Variants in TCF3 observed in about 807,000 individuals in gnomAD.
The protein encoded by TCF3 is transcription factor E2-alpha.
In TCF3, 54 loss-of-function variants were observed where a neutral mutation model predicts 72.3. The observed-to-expected ratio is 0.75, with a 90% confidence interval of 0.60 to 0.94. The LOEUF (loss-of-function observed/expected upper bound fraction) is 0.94, where lower values mean the gene tolerates loss of function less well. Ranked by LOEUF, TCF3 falls within the 40% of genes least tolerant of loss-of-function variation. The pLI is 0.00. For missense variants in TCF3, 1,078 were observed against 934.4 expected (o/e 1.15, Z -2.00); for synonymous variants, 525 against 412.6 (o/e 1.27, Z -3.30).
At position 1,615,628 on chromosome 19, in the gene TCF3, G is replaced by A; in HGVS notation, c.1586+58C>T. 1 of 1,611,324 alleles carries A rather than the reference G, an allele frequency of 6.2e-7. No individual in the cohort carries two copies. Among genetic ancestry groups the A allele is most frequent in the South Asian group, 1.1e-5 (1 of 91,066 alleles). On this transcript the variant is annotated intron_variant, in intron 17 of 18. Transcript: ENST00000262965. This position sits in a 1 kb window ranked among gnomAD's most constrained non-coding sequence, Gnocchi z 7.3. ...TGTGGGTGCGGTGTGCGTGTGGCCT[G>A]TGCACATGTGCGTCCTGATGGGGTG...
Position 1,625,561 on chromosome 19 carries a change from C to T in TCF3, c.499+15G>A, listed in dbSNP as rs1485760961. On this transcript the variant is annotated intron_variant, in intron 7 of 18. Coordinates refer to ENST00000262965, the MANE Select transcript of TCF3 (RefSeq NM_003200.5). ...CTCCCAGAAGCCCCCGATGCCCCGG[C>T]CAGACCCCGCTCACCTAGGCTGCCG... 1.9e-6 allele frequency: 3 copies of T among 1,571,096 alleles called. No homozygotes were observed. The highest frequency in any genetic ancestry group is 2.5e-5 in the East Asian group (1 of 40,370).
chr19:1,651,607 T>C (rs374134412), intron 1 of TCF3, among the ~76,000 whole-genome samples: 36 of 152,196 alleles, frequency 2.4e-4, no homozygotes, highest in African/African-American at 7.0e-4. Context: ...TGGAGAATGT[T>C]TGAAGCCACT....
intron 5 of TCF3, among the ~76,000 whole-genome samples, chr19:1,630,617 C>T (rs367802434): frequency 1.3e-5 from 2 of 152,192 alleles, no homozygotes; most frequent in East Asian, 1.9e-4. Flanking sequence ...GCAGCGCACA[C>T]CCCCACTGCA....
intron 3 of TCF3, among the ~76,000 whole-genome samples, chr19:1,642,149 CACACACACACACACACGCACGCGT>C (rs1409917584): frequency 6.6e-6 from 1 of 150,596 alleles, no homozygotes; most frequent in Non-Finnish European, 1.5e-5. Context: ...CACACACACA[CACACACACACACACACGCACGCGT>C]ACACACACGC....
intron 2 of TCF3, among the ~76,000 whole-genome samples, chr19:1,648,198 G>C (rs1400410568): frequency 7.9e-5 from 12 of 152,158 alleles, no homozygotes; most frequent in Admixed American, 7.9e-4. Context: ...TACGCATCTG[G>C]TCCAGGGAAG....
At position 1,619,469 on chromosome 19, in the gene TCF3, A is replaced by G. The variant is rs1568356165; in HGVS notation, c.1173T>C (p.Ser391=). ...SYDGGLHGLQ[S]KIEDHLDEAI... is the part of the protein sequence containing the mutation. Reference sequence around the variant, plus strand: ...CCTCGTCCAGGTGGTCTTCTATCTTACTCTGCTGCAGGGTGGGGGGATGGG... The same window carrying G: ...CCTCGTCCAGGTGGTCTTCTATCTTGCTCTGCTGCAGGGTGGGGGGATGGG... The change falls in exon 15 of 19, where the codon AGT becomes AGC. Residue 391 remains serine (S), a synonymous_variant. Coordinates refer to ENST00000262965, the MANE Select transcript of TCF3 (RefSeq NM_003200.5). The G allele has an allele frequency of 6.4e-7, 1 of 1,565,970 alleles. No homozygotes were observed. Among genetic ancestry groups the G allele is most frequent in the Non-Finnish European group, 8.6e-7 (1 of 1,161,130 alleles).
At chr19:1,640,727 C>G (rs927228846) in intron 3 of TCF3, among the ~76,000 whole-genome samples, 3 of 151,904 alleles carry the variant, frequency 2.0e-5, no homozygotes, top group Non-Finnish European at 4.4e-5. Context: ...TGGCGTGAAC[C>G]TGGGAGGCGG....
chr19:1,611,709 A>C lies in TCF3; in HGVS notation c.1963T>G (p.Ter655GlyextTer94), dbSNP rs765776882. The change falls in exon 19 of 19, where the codon TGA (stop) becomes GGA (glycine). Residue 655 changes from the stop codon to glycine (G), a stop_lost. Coordinates refer to ENST00000262965, the MANE Select transcript of TCF3 (RefSeq NM_003200.5). Reference sequence around the variant, plus strand: ...CTCGTCCCACGGAGGCATACCTTTCACATGTGCCCGGCGGGGTTGTGGGCT... The same window carrying C: ...CTCGTCCCACGGAGGCATACCTTTCCCATGTGCCCGGCGGGGTTGTGGGCT... ...SEAHNPAGHM[*>G] 6.2e-7 allele frequency: 1 copy of C among 1,612,760 alleles called. No individual in the cohort carries two copies. The highest frequency in any genetic ancestry group is 2.2e-5 in the East Asian group (1 of 44,848).
intron 8 of TCF3, 97 bp downstream of exon 8, chr19:1,623,854 C>A (rs2062556423): frequency 2.3e-6 from 3 of 1,291,930 alleles, no homozygotes; most frequent in East Asian, 2.5e-5. Context: ...CCACTCAGGG[C>A]CCACCCCGCC....
chr19:1,627,474 C>T (rs1382606216), intron 5 of TCF3, 48 bp from the exon 6 acceptor site: 3 of 1,578,422 alleles, frequency 1.9e-6, no homozygotes, highest in African/African-American at 1.3e-5. Flanking sequence ...CAAGGAACAT[C>T]CTGAGGGCCC....
In TCF3 at chr19:1,622,216, G is replaced by A. The variant is rs1329613515; in HGVS notation, c.660C>T (p.Ser220=). 1.3e-6 allele frequency: 2 copies of A among 1,549,364 alleles called. No individual in the cohort carries two copies. The highest frequency in any genetic ancestry group is 1.7e-6 in the Non-Finnish European group (2 of 1,148,656). The part of the protein sequence containing the change: ...YPAPFYVADG[S]LHPSAELWSP... ...TCCAGAGCTCGGCTGAGGGGTGCAG[G>A]CTGCCATCTGTGGAGGGGAGCTGGT... Residue 220 remains serine, a synonymous_variant, in exon 10 of 19, where the codon AGC becomes AGT. Coordinates refer to ENST00000262965, the MANE Select transcript of TCF3 (RefSeq NM_003200.5).
At chr19:1,621,998 G>A (rs776961245) in intron 10 of TCF3, 28 bp from the exon 11 acceptor site, 5 of 1,600,922 alleles carry the variant, frequency 3.1e-6, no homozygotes, top group African/African-American at 2.7e-5. Flanking sequence ...AGGAGGGTGG[G>A]TTAGATGGGC....
intron 16 of TCF3, among the ~76,000 whole-genome samples, chr19:1,616,761 C>T (rs2061586586): frequency 6.6e-6 from 1 of 152,050 alleles, no homozygotes; most frequent in African/African-American, 2.4e-5. Flanking sequence ...GGGTGAGACC[C>T]TGTCTCAAAA....
intron 18 of TCF3, chr19:1,612,386 C>G: frequency 1.2e-6 from 2 of 1,611,386 alleles, no homozygotes; most frequent in Non-Finnish European, 1.7e-6. Context: ...GCGCCTCTCC[C>G]GGTCCCTCAG....
chr19:1,629,000 G>A (rs4807937), intron 5 of TCF3, among the ~76,000 whole-genome samples: 2 of 82,806 alleles, frequency 2.4e-5, no homozygotes, highest in East Asian at 3.7e-4. Flanking sequence ...GGACAGCAGA[G>A]CTCACGGGGG....
intron 18 of TCF3, chr19:1,612,490 A>G: frequency 5.3e-6 from 3 of 570,664 alleles, no homozygotes; most frequent in Non-Finnish European, 1.0e-5. Context: ...GTGGGAGGGC[A>G]GGGCTGGGTT....
Position 1,611,813 on chromosome 19 carries a change from C to A in TCF3, c.1859G>T (p.Arg620Leu). The change falls in exon 19 of 19, where the codon CGG (arginine) becomes CTG (leucine). Residue 620 changes from arginine to leucine, a missense_variant. Transcript: ENST00000262965. Reference protein sequence around the residue: ...NLNPKAACLKRREEEKVSGVV... With the variant: ...NLNPKAACLKLREEEKVSGVV... ...ACCTGACACCTTTTCCTCTTCTCGCCGTTTCAAACAGGCTGCTTTGGGATT... is the reference window on the plus strand; with the variant it reads ...ACCTGACACCTTTTCCTCTTCTCGCAGTTTCAAACAGGCTGCTTTGGGATT... 6.2e-7 allele frequency: 1 copy of A among 1,613,446 alleles called. No individual in the cohort carries two copies. The highest frequency in any genetic ancestry group is 8.5e-7 in the Non-Finnish European group (1 of 1,179,900).
chr19:1,612,183 G>T, intron 18 of TCF3: 1 of 1,555,352 alleles, frequency 6.4e-7, no homozygotes. Flanking sequence ...AGGGTGCTGG[G>T]GCAGCCCTGG....
rs926858824 is a variant in TCF3, at chr19:1,609,887, G to A, written c.*1820C>T. On this transcript the variant is annotated 3_prime_UTR_variant, in exon 19 of 19. Coordinates refer to ENST00000262965, the MANE Select transcript of TCF3 (RefSeq NM_003200.5). Reference sequence around the variant, plus strand: ...TCTCAGGAGTGGCACGGGGGGAGACGCCCGACCTGCAGCGGGGATGAACAC... The same window carrying A: ...TCTCAGGAGTGGCACGGGGGGAGACACCCGACCTGCAGCGGGGATGAACAC... 8 of 232,292 alleles carry A rather than the reference G, an allele frequency of 3.4e-5. No homozygotes were observed. The highest frequency in any genetic ancestry group is 5.1e-5 in the Non-Finnish European group (6 of 117,588). The allele number at this position is 232,292 out of a possible 1,614,324, so 14.4% of individuals were successfully genotyped here.
Sources: gnomAD v4.1 joint callset for allele counts (sites outside exome capture counted in the v4.1 genomes callset) on GRCh38, gnomAD v4.1.1 for gene constraint, Gnocchi (gnomAD v3.1) non-coding constraint, MANE v1.5 for transcripts, NCBI Gene and HGNC (gene_info 2026-07-23, HGNC 2026-07-21) for gene names.